FAM13A: variants seen among roughly 807,000 people sequenced by gnomAD.
FAM13A encodes the protein family with sequence similarity 13 member A.
Under a neutral mutation model 129.6 loss-of-function variants are expected in FAM13A, and 76 were observed. That is an observed-to-expected ratio of 0.59 (90% CI 0.49 to 0.71). FAM13A has a LOEUF of 0.71. Among genes scored for constraint, FAM13A ranks in the 30% least tolerant of loss-of-function variants. The pLI is 0.00. For synonymous variants in FAM13A, 443 were observed against 449.9 expected, an observed-to-expected ratio of 0.98 and a Z score of 0.20; for missense variants, 1,108 against 1,249.3, an observed-to-expected ratio of 0.89 and a Z score of 1.70.
intron 3 of FAM13A, among the ~76,000 whole-genome samples, chr4:89,008,236 G>A (rs985514211): frequency 9.2e-5 from 14 of 152,174 alleles, no homozygotes; most frequent in African/African-American, 2.6e-4. Flanking sequence ...ACAGATTGAC[G>A]CCCTAGCCCC....
At chr4:88,892,046 C>T (rs1745401883) in intron 6 of FAM13A, among the ~76,000 whole-genome samples, 1 of 152,032 alleles carries the variant, frequency 6.6e-6, no homozygotes, top group South Asian at 2.1e-4. Flanking sequence ...GCATGGTGGC[C>T]ACTTGTAGTC....
intron 5 of FAM13A, chr4:88,936,890 T>C (rs984832038): frequency 3.3e-5 from 5 of 152,180 alleles, no homozygotes; most frequent in African/African-American, 1.2e-4. Context: ...GAAACAAAGT[T>C]AATTACCTTT....
At position 88,803,310 on chromosome 4, in the gene FAM13A, T is replaced by C. The variant is rs115378717; in HGVS notation, c.1049+1701A>G. Among the ~76,000 whole-genome samples the C allele has an allele frequency of 3.3e-3, 509 of 152,308 alleles. 3 individuals are homozygous for C. Among genetic ancestry groups the C allele is most frequent in the African/African-American group, 0.012 (495 of 41,562 alleles). The stretch of plus-strand genomic sequence containing the variant: ...AACGTGGGCCAGTATGCATATTCAT[T>C]CTCTTTTTCCCCCTAATTTTATCAT... On this transcript the variant is annotated intron_variant, in intron 8 of 23. Transcript: ENST00000264344.
At chr4:88,743,069 C>T (rs1740587692) in intron 19 of FAM13A, among the ~76,000 whole-genome samples, 1 of 152,178 alleles carries the variant, frequency 6.6e-6, no homozygotes, top group Admixed American at 6.5e-5. Flanking sequence ...AGTCAAACAA[C>T]ATAAATATCC....
At chr4:88,851,275 T>C in intron 6 of FAM13A, 92 bp from the exon 7 acceptor site, 1 of 1,209,132 alleles carries the variant, frequency 8.3e-7, no homozygotes, top group Non-Finnish European at 1.1e-6. Context: ...TTTATTCCAA[T>C]TTTGCAATAA....
intron 6 of FAM13A, among the ~76,000 whole-genome samples, chr4:88,900,932 A>T (rs1338877528): frequency 6.6e-6 from 1 of 152,196 alleles, no homozygotes; most frequent in Admixed American, 6.5e-5. Context: ...ATAGGGTCAA[A>T]ATAAAGGGAT....
chr4:88,969,918 C>T (rs913957081), intron 4 of FAM13A, among the ~76,000 whole-genome samples: 1 of 152,182 alleles, frequency 6.6e-6, no homozygotes, highest in Admixed American at 6.5e-5. Flanking sequence ...CATTTCTGCT[C>T]TCTGTAGGGC....
chr4:88,934,423 C>T (rs936683196), intron 5 of FAM13A, among the ~76,000 whole-genome samples: 6 of 152,146 alleles, frequency 3.9e-5, no homozygotes, highest in African/African-American at 4.8e-5. Flanking sequence ...ATGAATTCAA[C>T]GTATAGTCCA....
At chr4:89,026,426 G>A (rs1240738710) in intron 2 of FAM13A, among the ~76,000 whole-genome samples, 1 of 152,142 alleles carries the variant, frequency 6.6e-6, no homozygotes, top group South Asian at 2.1e-4. Context: ...AGTAAGAACA[G>A]AAACCTGGCT....
chr4:88,892,550 A>G (rs1745535251), intron 6 of FAM13A, among the ~76,000 whole-genome samples: 1 of 152,242 alleles, frequency 6.6e-6, no homozygotes, highest in South Asian at 2.1e-4. Context: ...AAATAAAAGT[A>G]GCAGTTGAAT....
chr4:88,875,939 C>T (rs1410131297), intron 6 of FAM13A, among the ~76,000 whole-genome samples: 1 of 152,188 alleles, frequency 6.6e-6, no homozygotes, highest in East Asian at 1.9e-4. Context: ...GGCACATATA[C>T]ACCATGGAAT....
chr4:88,789,169 A>G (rs1190437886), intron 9 of FAM13A, among the ~76,000 whole-genome samples: 1 of 152,154 alleles, frequency 6.6e-6, no homozygotes, highest in Non-Finnish European at 1.5e-5. Context: ...GAAATATCTA[A>G]ACAGAACAAC....
At chr4:88,998,165 G>A (rs1763800822) in intron 3 of FAM13A, among the ~76,000 whole-genome samples, 1 of 152,164 alleles carries the variant, frequency 6.6e-6, no homozygotes, top group Non-Finnish European at 1.5e-5. Flanking sequence ...ATTTAGAGTA[G>A]AGGAACCAGT....
At chr4:88,830,933 G>A (rs1474537963) in intron 7 of FAM13A, among the ~76,000 whole-genome samples, 2 of 149,688 alleles carry the variant, frequency 1.3e-5, no homozygotes, top group Non-Finnish European at 3.0e-5. Flanking sequence ...AAGACAAGCA[G>A]TTATTCATGG....
chr4:88,874,121 G>T (rs1385465366), intron 6 of FAM13A, among the ~76,000 whole-genome samples: 1 of 152,084 alleles, frequency 6.6e-6, no homozygotes, highest in Non-Finnish European at 1.5e-5. Flanking sequence ...AATAAACTAG[G>T]TACTGATGGA....
chr4:88,997,616 C>T (rs1763730848), intron 3 of FAM13A, among the ~76,000 whole-genome samples: 1 of 152,094 alleles, frequency 6.6e-6, no homozygotes, highest in African/African-American at 2.4e-5. Context: ...AGATATATCA[C>T]AGAATGGCAC....
Position 89,028,229 on chromosome 4 carries a change from CA to C in FAM13A, c.217+1230del, listed in dbSNP as rs147955276. The stretch of plus-strand genomic sequence containing the variant: ...CTCAAAAAAAAAAAAAAAAAGCCCC[CA>C]AAAACTGATGAATTGTTTATTTCTA... On this transcript the variant is annotated intron_variant, in intron 2 of 23. Transcript: ENST00000264344. Among the ~76,000 whole-genome samples, 1,030 of 147,782 alleles carry C rather than the reference CA, an allele frequency of 7.0e-3. 7 individuals carry two copies. Among genetic ancestry groups the C allele is most frequent in the Non-Finnish European group, 0.011 (741 of 67,164 alleles).
chr4:88,906,431 A>G lies in FAM13A; in HGVS notation c.791T>C (p.Leu264Pro). ...EVYYKNSLPI[L>P]LTRGLERDMP... Reference sequence around the variant, plus strand: ...GTCTCTTTCTAAGCCTCTTGTTAAAAGGATGGGCAGGGAGTTCTTATAATA... The same window carrying G: ...GTCTCTTTCTAAGCCTCTTGTTAAAGGGATGGGCAGGGAGTTCTTATAATA... The change falls in exon 6 of 24, where the codon CTT (leucine) becomes CCT (proline). Residue 264 changes from leucine to proline, a missense_variant. By Grantham distance (98) the Leu-to-Pro change is moderately conservative. This residue lies in a region of FAM13A where 566 missense variants were observed against 595.7 expected (regional missense o/e 0.95). Transcript: ENST00000264344. The G allele has an allele frequency of 6.2e-7, 1 of 1,611,892 alleles. No individual in the cohort carries two copies. The highest frequency in any genetic ancestry group is 8.5e-7 in the Non-Finnish European group (1 of 1,178,738).
intron 7 of FAM13A, among the ~76,000 whole-genome samples, chr4:88,841,149 AGATT>A (rs1424878380): frequency 1.3e-5 from 2 of 152,236 alleles, no homozygotes; most frequent in East Asian, 1.9e-4. Context: ...AGAAAATAAT[AGATT>A]AATTGGACTT....
Sources: allele counts gnomAD v4.1 joint callset (sites outside exome capture counted in the v4.1 genomes callset), GRCh38; gene constraint gnomAD v4.1.1; regional missense constraint gnomAD v4.1.1; transcripts MANE v1.5; gene names NCBI Gene and HGNC (gene_info 2026-07-23, HGNC 2026-07-21).